Variants in DMD observed in about 807,000 individuals in gnomAD.
DMD encodes mutant dystrophin.
DMD carries 63 observed loss-of-function variants against 330.1 expected under a neutral mutation model. That is an observed-to-expected ratio of 0.19 (90% CI 0.16 to 0.24). DMD has a LOEUF of 0.24. Among genes scored for constraint, DMD ranks in the 10% least tolerant of loss-of-function variants. DMD has a pLI of 1.00. For synonymous variants in DMD, 1,223 were observed against 959.8 expected (o/e 1.27, Z -5.07); for missense variants, 3,344 against 2,684.1 (o/e 1.25, Z -5.43).
At chrX:33,297,673 G>A (rs149892391) in intron 1 of DMD, among the ~76,000 whole-genome samples, 1 of 111,318 alleles carries the variant, frequency 9.0e-6, no homozygotes, top group Non-Finnish European at 1.9e-5. Context: ...GAAATCTTGC[G>A]ATTTGCAACA....
At chrX:31,475,458 A>G (rs1294520335) in intron 59 of DMD, among the ~76,000 whole-genome samples, 1 of 112,104 alleles carries the variant, frequency 8.9e-6, no homozygotes. Context: ...CACCTGTGTG[A>G]CAAGTATGGC....
intron 47 of DMD, among the ~76,000 whole-genome samples, chrX:31,911,591 C>T (rs752196363): frequency 1.8e-5 from 2 of 110,133 alleles, no homozygotes; most frequent in South Asian, 3.9e-4. Flanking sequence ...AAAGCAAATT[C>T]GAGCGTTTTT....
chrX:32,939,046 TG>T (rs1356717570), intron 2 of DMD, among the ~76,000 whole-genome samples: 2 of 110,057 alleles, frequency 1.8e-5, no homozygotes, highest in Non-Finnish European at 3.8e-5. Context: ...TTTTTCATAA[TG>T]TCTACAATGA....
intron 44 of DMD, among the ~76,000 whole-genome samples, chrX:32,044,563 A>G (rs1359343424): frequency 9.1e-6 from 1 of 110,368 alleles, no homozygotes; most frequent in Non-Finnish European, 1.9e-5. Context: ...CTGAGACTAC[A>G]GGTGCCTGCC....
Position 31,222,392 on chromosome X carries a change from C to CAAAA in DMD, c.9361+651_9361+654dup, listed in dbSNP as rs57227723. On this transcript the variant is annotated intron_variant, in intron 64 of 78. Transcript: ENST00000357033. The stretch of plus-strand genomic sequence containing the variant: ...TGGGCAACAGAGCAAGACTCCATCT[C>CAAAA]AAAAAAAAAAAAAAAAAAAAAAAAA... Among the ~76,000 whole-genome samples, 79 of 20,589 alleles carry CAAAA rather than the reference C, an allele frequency of 3.8e-3. 4 individuals are homozygous for CAAAA. The highest frequency in any genetic ancestry group is 0.071 in the Middle Eastern group (1 of 14). 17.9% of individuals were successfully genotyped at this position (20,589 alleles called of 115,157 possible). A position where few individuals can be genotyped will look rare whatever the true frequency, so the allele number is the denominator to read the frequency against.
intron 42 of DMD, among the ~76,000 whole-genome samples, chrX:32,288,415 G>A (rs2097452070): frequency 9.0e-6 from 1 of 111,454 alleles, no homozygotes; most frequent in Non-Finnish European, 1.9e-5. Flanking sequence ...TGACTTTCAG[G>A]ACATATGCAG....
chrX:31,715,273 G>A (rs1046566425), intron 52 of DMD, among the ~76,000 whole-genome samples: 1 of 109,427 alleles, frequency 9.1e-6, no homozygotes, highest in African/African-American at 3.3e-5. Context: ...GGCCGGGCGC[G>A]GTGGCTCACG....
chrX:33,002,792 T>C (rs2093310360), intron 2 of DMD, among the ~76,000 whole-genome samples: 1 of 93,132 alleles, frequency 1.1e-5, no homozygotes, highest in Non-Finnish European at 2.1e-5. Context: ...GAAATGGCCT[T>C]AGGTTCCCTT....
intron 51 of DMD, among the ~76,000 whole-genome samples, chrX:31,736,142 G>T (rs1045978891): frequency 2.7e-5 from 3 of 111,676 alleles, no homozygotes; most frequent in African/African-American, 9.8e-5. Context: ...ATCGTTGATG[G>T]GAAGAACACA....
At chrX:31,370,170 A>C (rs1477973091) in intron 60 of DMD, among the ~76,000 whole-genome samples, 1 of 110,499 alleles carries the variant, frequency 9.0e-6, no homozygotes, top group African/African-American at 3.3e-5. Context: ...CTTAGACTCA[A>C]CACAAAAGCA....
chrX:31,317,784 T>C (rs956156934), intron 62 of DMD, among the ~76,000 whole-genome samples: 1 of 111,662 alleles, frequency 9.0e-6, no homozygotes, highest in African/African-American at 3.3e-5. Context: ...GTGCTGGGAT[T>C]ACAGGCGTGA....
At chrX:32,004,377 T>G (rs140533974) in intron 44 of DMD, among the ~76,000 whole-genome samples, 2 of 111,867 alleles carry the variant, frequency 1.8e-5, no homozygotes, top group African/African-American at 6.5e-5. Flanking sequence ...TGAGATAGTT[T>G]TATAATAACA....
intron 48 of DMD, among the ~76,000 whole-genome samples, chrX:31,866,180 T>A (rs1241460416): frequency 9.0e-6 from 1 of 111,510 alleles, no homozygotes; most frequent in Non-Finnish European, 1.9e-5. Flanking sequence ...CTTCAGCATA[T>A]TCCTCTTCAA....
intron 22 of DMD, among the ~76,000 whole-genome samples, chrX:32,471,067 A>G (rs1313232588): frequency 9.0e-6 from 1 of 111,333 alleles, no homozygotes; most frequent in Non-Finnish European, 1.9e-5. Flanking sequence ...ATCTGAGGTC[A>G]GGAGTTTGAG....
chrX:32,644,080 C>A (rs984414743), intron 11 of DMD, 52 bp downstream of exon 11: 4 of 1,064,538 alleles, frequency 3.8e-6, no homozygotes, highest in Non-Finnish European at 5.2e-6. Flanking sequence ...AAAATAATCA[C>A]AAGCTTCCAA....
chrX:31,453,513 T>C (rs1399396172), intron 59 of DMD, among the ~76,000 whole-genome samples: 1 of 109,101 alleles, frequency 9.2e-6, no homozygotes, highest in Non-Finnish European at 1.9e-5. Flanking sequence ...ATGAGAAGAG[T>C]TCTGGAGATG....
chrX:31,912,309 G>T (rs191619979), intron 47 of DMD, among the ~76,000 whole-genome samples: 2 of 111,308 alleles, frequency 1.8e-5, no homozygotes, highest in South Asian at 3.8e-4. Flanking sequence ...ACGCCCGACC[G>T]CACGTCGCAC....
In DMD at chrX:31,688,709, A is replaced by G. The variant is rs757429984; in HGVS notation, c.7661-9123T>C. Among the ~76,000 whole-genome samples, 23 of 111,624 alleles carry G rather than the reference A, an allele frequency of 2.1e-4. No homozygotes were observed. The East Asian group carries it at 5.9e-3, about 29-fold the overall frequency. On this transcript the variant is annotated intron_variant, in intron 52 of 78. Transcript: ENST00000357033. ...AAATATCCCTGATGAACATCGATGC[A>G]AAAATCCTCAATAAAATACTGGCAA...
intron 49 of DMD, among the ~76,000 whole-genome samples, chrX:31,830,819 G>C (rs780646319): frequency 9.0e-6 from 1 of 111,247 alleles, no homozygotes; most frequent in African/African-American, 3.3e-5. Flanking sequence ...CAGACACAAG[G>C]CCACCCCATG....
Sources: gnomAD v4.1 joint callset for allele counts (sites outside exome capture counted in the v4.1 genomes callset) on GRCh38, gnomAD v4.1.1 for gene constraint, MANE v1.5 for transcripts, NCBI Gene and HGNC (gene_info 2026-07-23, HGNC 2026-07-21) for gene names.